The following SERAC1 variants were observed in gnomAD, a reference collection of about 807,000 sequenced individuals.
SERAC1 encodes serine active site containing 1.
A neutral mutation model predicts 85.7 loss-of-function variants in SERAC1; 36 were observed. The observed-to-expected ratio is 0.42, with a 90% CI of 0.32 to 0.55. The LOEUF (loss-of-function observed/expected upper bound fraction) is 0.55, where lower values mean the gene tolerates loss of function less well. Among genes scored for constraint, SERAC1 ranks in the 20% least tolerant of loss-of-function variants. The pLI is 0.11. For missense variants in SERAC1, 629 were observed against 796.2 expected (o/e 0.79, Z 2.53); for synonymous variants, 242 against 265.3 (o/e 0.91, Z 0.85).
intron 14 of SERAC1, 113 bp downstream of exon 14, chr6:158,116,072 G>T: frequency 2.6e-6 from 2 of 763,360 alleles, no homozygotes; most frequent in South Asian, 1.6e-5. Flanking sequence ...TTAGCAGGGG[G>T]GGTAAGGGAG....
chr6:158,144,263 C>T (rs1784998160), intron 7 of SERAC1, 36 bp downstream of exon 7: 1 of 1,529,792 alleles, frequency 6.5e-7, no homozygotes, highest in East Asian at 2.3e-5. Flanking sequence ...AACCATTTTT[C>T]ACTCTCTAAA....
At chr6:158,165,611 C>T (rs1785581751) in intron 1 of SERAC1, among the ~76,000 whole-genome samples, 1 of 152,114 alleles carries the variant, frequency 6.6e-6, no homozygotes, top group Admixed American at 6.5e-5. Flanking sequence ...CTTTTTCTCC[C>T]CAAACTCTTC....
chr6:158,142,906 C>T, intron 8 of SERAC1, 150 bp downstream of exon 8: 3 of 616,766 alleles, frequency 4.9e-6, no homozygotes, highest in Non-Finnish European at 8.6e-6. Flanking sequence ...TACCTGCCTC[C>T]CTGTCATCCC....
At chr6:158,157,039 C>G (rs1296195314) in intron 2 of SERAC1, among the ~76,000 whole-genome samples, 2 of 148,816 alleles carry the variant, frequency 1.3e-5, no homozygotes, top group Admixed American at 6.8e-5. Flanking sequence ...TTCTGTTGCC[C>G]AGGCTGGAGT....
At chr6:158,138,609 G>C (rs768646842) in intron 8 of SERAC1, among the ~76,000 whole-genome samples, 1 of 152,058 alleles carries the variant, frequency 6.6e-6, no homozygotes, top group Non-Finnish European at 1.5e-5. Flanking sequence ...AGATAATTTA[G>C]TGATGGGAGT....
rs550195829 is a variant in SERAC1 at position 158,143,873 on chromosome 6, G to C, written c.609+426C>G. ...GGTCATTTTTGGTTGTTACAACTAGGGGGTGCTACTAGCATCTTGGGAGTA... is the reference window on the plus strand; with the variant it reads ...GGTCATTTTTGGTTGTTACAACTAGCGGGTGCTACTAGCATCTTGGGAGTA... On this transcript the variant is annotated intron_variant, in intron 7 of 16. Coordinates refer to ENST00000647468, the MANE Select transcript of SERAC1 (RefSeq NM_032861.4). Among the ~76,000 whole-genome samples the C allele has an allele frequency of 4.6e-5, 7 of 152,130 alleles. No individual in the cohort carries two copies. In the East Asian group the frequency reaches 1.4e-3, roughly 29 times the overall value.
At chr6:158,167,663 G>T (rs1785638018) in intron 1 of SERAC1, among the ~76,000 whole-genome samples, 1 of 151,934 alleles carries the variant, frequency 6.6e-6, no homozygotes, top group Non-Finnish European at 1.5e-5. Flanking sequence ...TAGACTTACA[G>T]AACAGACTTG....
At chr6:158,155,962 T>G (rs552467547) in intron 2 of SERAC1, among the ~76,000 whole-genome samples, 1 of 151,940 alleles carries the variant, frequency 6.6e-6, no homozygotes, top group South Asian at 2.1e-4. Flanking sequence ...CTGGCCAACA[T>G]GGTGAAATCC....
At chr6:158,150,774 G>C (rs1785185271) in intron 3 of SERAC1, among the ~76,000 whole-genome samples, 185 bp from the exon 4 acceptor site, 2 of 152,166 alleles carry the variant, frequency 1.3e-5, no homozygotes, top group South Asian at 4.1e-4. Flanking sequence ...TTCAAGGACA[G>C]ACCTCATATA....
At chr6:158,130,545 C>CA (rs923548565) in intron 8 of SERAC1, 59 bp from the exon 9 acceptor site, 865 of 1,015,234 alleles carry the variant, frequency 8.5e-4, no homozygotes, top group South Asian at 9.9e-4. Context: ...TTTTGTTTGA[C>CA]AAAAAAAAAG....
At chr6:158,113,690 GAT>G (rs567753228) in intron 15 of SERAC1, 98 bp from the exon 16 acceptor site, 92 of 1,133,614 alleles carry the variant, frequency 8.1e-5, no homozygotes, top group Non-Finnish European at 1.1e-4. Context: ...TTAGAATTCT[GAT>G]TCAAGACGGT....
chr6:158,156,202 ATGTT>A (rs548877825), intron 2 of SERAC1, among the ~76,000 whole-genome samples: 8 of 152,328 alleles, frequency 5.3e-5, no homozygotes, highest in South Asian at 2.1e-4. Context: ...TTATTTATAA[ATGTT>A]TGTTTGGGTC....
chr6:158,152,412 A>G (rs1326678826), intron 3 of SERAC1, among the ~76,000 whole-genome samples: 1 of 152,174 alleles, frequency 6.6e-6, no homozygotes, highest in East Asian at 1.9e-4. Context: ...GCTACTCAGG[A>G]GGCTGAGACA....
chr6:158,128,250 T>C lies in SERAC1; in HGVS notation c.873A>G (p.Lys291=). 6.2e-7 allele frequency: 1 copy of C among 1,613,992 alleles called. No individual in the cohort carries two copies. Among genetic ancestry groups the C allele is most frequent in the Non-Finnish European group, 8.5e-7 (1 of 1,179,962 alleles). Residue 291 remains lysine (K), a synonymous_variant, in exon 10 of 17, where the codon AAA becomes AAG. Coordinates refer to ENST00000647468, the MANE Select transcript of SERAC1 (RefSeq NM_032861.4). ...GCTGCAGGCCTCCATTTGCTTCGAT[T>C]TTATCACAATGTGTGGATATCTGGC... is the stretch of plus-strand genomic sequence containing the variant. ...KHSEISTHCD[K]IEANGGLQLL... is the part of the protein sequence containing the mutation.
chr6:158,109,529 CGAGTTTATT>C lies in SERAC1; in HGVS notation c.*1828_*1836del, dbSNP rs1784094624. 1 of 152,064 alleles carries C rather than the reference CGAGTTTATT, an allele frequency of 6.6e-6. No homozygotes were observed. The highest frequency in any genetic ancestry group is 1.5e-5 in the Non-Finnish European group (1 of 68,020). The allele number at this position is 152,064 out of a possible 1,614,324, so 9.4% of individuals were successfully genotyped here. On this transcript the variant is annotated 3_prime_UTR_variant, in exon 17 of 17. Transcript: ENST00000647468. ...CAATGAAACAATTAATTGTTGATAT[CGAGTTTATT>C]GATGAGCCATTTACCTTCAGATGCC... is the stretch of plus-strand genomic sequence containing the variant.
At chr6:158,128,406 G>T (rs1245356621) in intron 9 of SERAC1, 136 bp from the exon 10 acceptor site, 26 of 712,010 alleles carry the variant, frequency 3.7e-5, no homozygotes, top group Non-Finnish European at 3.2e-5. Flanking sequence ...CAAAGCTCTT[G>T]TCTCAGCTTG....
Position 158,117,608 on chromosome 6 carries a change from CT to C in SERAC1, c.1403+118del, listed in dbSNP as rs1562433957. ...GAAGACAAAAAAGATTAGGTTTGTT[CT>C]TCATAAGAAAATCCTGTCTGTGGCA... On this transcript the variant is annotated intron_variant, in intron 13 of 16. Transcript: ENST00000647468. This position sits in a 1 kb window ranked among gnomAD's most constrained non-coding sequence, Gnocchi z 4.3. The C allele has an allele frequency of 1.3e-6, 2 of 1,566,170 alleles. No homozygotes were observed. The highest frequency in any genetic ancestry group is 1.7e-6 in the Non-Finnish European group (2 of 1,153,552).
chr6:158,126,749 C>G (rs1211930393), intron 10 of SERAC1, among the ~76,000 whole-genome samples: 1 of 152,078 alleles, frequency 6.6e-6, no homozygotes, highest in Non-Finnish European at 1.5e-5. Flanking sequence ...CTGACTATGC[C>G]TCTTGGTTAA....
intron 8 of SERAC1, among the ~76,000 whole-genome samples, chr6:158,134,017 T>C (rs1251198526): frequency 6.6e-6 from 1 of 152,224 alleles, no homozygotes; most frequent in East Asian, 1.9e-4. Context: ...TGCAGCTATC[T>C]GAAAATACGG....
Sources: allele counts gnomAD v4.1 joint callset (sites outside exome capture counted in the v4.1 genomes callset), GRCh38; gene constraint gnomAD v4.1.1; non-coding constraint Gnocchi (gnomAD v3.1); transcripts MANE v1.5; gene names NCBI Gene and HGNC (gene_info 2026-07-23, HGNC 2026-07-21).